DHX32: variants seen among roughly 807,000 people sequenced by gnomAD.
DHX32 encodes the protein DEAH-box helicase 32 (putative).
In DHX32, 51 loss-of-function variants were observed where a neutral mutation model predicts 70.0. The observed-to-expected ratio is 0.73, with a 90% CI of 0.58 to 0.92. DHX32 has a LOEUF of 0.92. Among genes scored for constraint, DHX32 ranks in the 40% least tolerant of loss-of-function variants. The pLI, the probability that DHX32 is intolerant of heterozygous loss-of-function variation, is 0.00. For missense variants in DHX32, 762 were observed against 891.8 expected, an observed-to-expected ratio of 0.85 and a Z score of 1.85; for synonymous variants, 310 against 315.3, an observed-to-expected ratio of 0.98 and a Z score of 0.18.
chr10:125,878,106 G>A (rs1239482847), intron 1 of DHX32, among the ~76,000 whole-genome samples: 1 of 152,128 alleles, frequency 6.6e-6, no homozygotes, highest in Non-Finnish European at 1.5e-5. Flanking sequence ...ACAACAAACT[G>A]AATAATAAGT....
At chr10:125,853,793 CTT>C in intron 4 of DHX32, 166 bp downstream of exon 4, 1 of 727,444 alleles carries the variant, frequency 1.4e-6, no homozygotes, top group Non-Finnish European at 2.1e-6. Context: ...GGAATCAAGA[CTT>C]TTGTTACTGG....
chr10:125,847,294 TTTC>T (rs1478762746), intron 6 of DHX32, among the ~76,000 whole-genome samples: 2 of 152,222 alleles, frequency 1.3e-5, no homozygotes, highest in Non-Finnish European at 2.9e-5. Flanking sequence ...TTGTTTTGGA[TTTC>T]TTAAGATACC....
In DHX32 at chr10:125,867,078, C is replaced by A; in HGVS notation, c.388G>T (p.Val130Leu). The A allele has an allele frequency of 6.2e-7, 1 of 1,614,236 alleles. No individual in the cohort carries two copies. The change falls in exon 2 of 11, where the codon GTG (valine) becomes TTG (leucine). Residue 130 changes from valine (V) to leucine (L), a missense_variant. Coordinates refer to ENST00000284690, the MANE Select transcript of DHX32 (RefSeq NM_018180.3). The part of the protein sequence containing the change: ...KQTVVQLALR[V>L]ADEMDVNIGH... ...ATGTTAACATCCATTTCATCCGCCA[C>A]CCGCAGGGCGAGCTGGACCACAGTC...
rs750725127 is a variant in DHX32 at position 125,838,333 on chromosome 10, C to T, written c.1936G>A (p.Val646Ile). Residue 646 changes from valine to isoleucine, a missense_variant, in exon 10 of 11, where the codon GTT (valine) becomes ATT (isoleucine). This residue lies in a region of DHX32 where 366 missense variants were observed against 402.6 expected (regional missense o/e 0.91). Coordinates refer to ENST00000284690, the MANE Select transcript of DHX32 (RefSeq NM_018180.3). ...GNYLMLTHKQ[V>I]AQLHPLSGYS... ...CCAGACAGGGGATGCAGCTGAGCAA[C>T]CTGCTTATGTGTCAGCATTAAGTAG... The T allele has an allele frequency of 2.2e-5, 36 of 1,613,482 alleles. No individual in the cohort carries two copies. The South Asian group carries it at 3.8e-4, about 17-fold the overall frequency.
chr10:125,878,715 CTT>C (rs550143492), intron 1 of DHX32, among the ~76,000 whole-genome samples: 2 of 142,748 alleles, frequency 1.4e-5, no homozygotes. Context: ...GTTTTGTTTT[CTT>C]TTTTTTTTTG....
upstream of DHX32, among the ~76,000 whole-genome samples, chr10:125,882,495 C>A (rs192416233): frequency 9.4e-4 from 143 of 152,158 alleles, 3 homozygotes; most frequent in Admixed American, 3.3e-3. Context: ...GATGAGTAAA[C>A]TAGGCACTAG....
At chr10:125,860,748 TC>T (rs1944181596) in intron 2 of DHX32, among the ~76,000 whole-genome samples, 1 of 119,358 alleles carries the variant, frequency 8.4e-6, no homozygotes, top group Non-Finnish European at 1.7e-5. Flanking sequence ...AAGAAACCAA[TC>T]CCATTTTTTT....
chr10:125,865,222 T>C (rs926685685), intron 2 of DHX32, among the ~76,000 whole-genome samples: 6 of 152,202 alleles, frequency 3.9e-5, no homozygotes, highest in African/African-American at 7.2e-5. Flanking sequence ...CAGGGTCCTA[T>C]GTCTTGTCCT....
At chr10:125,862,001 G>A (rs1476638775) in intron 2 of DHX32, among the ~76,000 whole-genome samples, 1 of 151,644 alleles carries the variant, frequency 6.6e-6, no homozygotes, top group Admixed American at 6.6e-5. Context: ...TGGTGTATAT[G>A]TTTCTCATTT....
chr10:125,847,192 T>A (rs997864513), intron 6 of DHX32, among the ~76,000 whole-genome samples: 8 of 152,118 alleles, frequency 5.3e-5, no homozygotes, highest in African/African-American at 1.9e-4. Context: ...TCTTCCTGAT[T>A]TTTCTAGGTT....
At chr10:125,850,302 T>C (rs1265206746) in intron 6 of DHX32, among the ~76,000 whole-genome samples, 4 of 151,092 alleles carry the variant, frequency 2.6e-5, no homozygotes, top group Non-Finnish European at 4.4e-5. Flanking sequence ...ATTCCTCTTT[T>C]CACCAGAGCC....
At chr10:125,859,109 G>C (rs946326732) in intron 3 of DHX32, among the ~76,000 whole-genome samples, 1 of 151,200 alleles carries the variant, frequency 6.6e-6, no homozygotes, top group Non-Finnish European at 1.5e-5. Flanking sequence ...GACCTTTTCG[G>C]GTGGGCTATA....
intron 3 of DHX32, among the ~76,000 whole-genome samples, chr10:125,858,115 G>T (rs1032006383): frequency 3.3e-5 from 5 of 151,752 alleles, no homozygotes; most frequent in Non-Finnish European, 7.4e-5. Context: ...TGTCAAGGCT[G>T]GTCTCAACCT....
chr10:125,838,454 T>G (rs1854771370), intron 9 of DHX32, 67 bp from the exon 10 acceptor site: 2 of 1,398,688 alleles, frequency 1.4e-6, no homozygotes, highest in African/African-American at 1.5e-5. Context: ...CAAAGATGTT[T>G]GTTGAAAAAA....
chr10:125,856,455 C>A (rs890683160), intron 3 of DHX32, among the ~76,000 whole-genome samples: 1 of 152,150 alleles, frequency 6.6e-6, no homozygotes, highest in Non-Finnish European at 1.5e-5. Flanking sequence ...GGAAACAACA[C>A]GCTAAACATT....
chr10:125,857,548 G>A (rs1944156387), intron 3 of DHX32, among the ~76,000 whole-genome samples: 1 of 152,200 alleles, frequency 6.6e-6, no homozygotes, highest in Admixed American at 6.5e-5. Context: ...TTCTTAATAG[G>A]AATGCCTTTC....
intron 1 of DHX32, among the ~76,000 whole-genome samples, chr10:125,875,262 G>A (rs2134068772): frequency 6.6e-6 from 1 of 152,064 alleles, no homozygotes; most frequent in Non-Finnish European, 1.5e-5. Context: ...TAGGTACTTA[G>A]TGTCCAGATC....
chr10:125,842,055 G>T, intron 6 of DHX32, 121 bp from the exon 7 acceptor site: 1 of 1,266,076 alleles, frequency 7.9e-7, no homozygotes. Flanking sequence ...TGAAACAACG[G>T]TTTGCAAGCC....
At chr10:125,896,424 C>G in exon 1 of DHX32, 2 of 818,630 alleles carry the variant, frequency 2.4e-6, no homozygotes. Context: ...TGTCCTCAGC[C>G]GGTGACCTGG....
Sources: allele counts gnomAD v4.1 joint callset (sites outside exome capture counted in the v4.1 genomes callset), GRCh38; gene constraint gnomAD v4.1.1; regional missense constraint gnomAD v4.1.1; transcripts MANE v1.5; gene names NCBI Gene and HGNC (gene_info 2026-07-23, HGNC 2026-07-21).